EYS: variants seen among roughly 807,000 people sequenced by gnomAD.
The protein encoded by EYS is protein eyes shut homolog.
Under a neutral mutation model 282.1 loss-of-function variants are expected in EYS, and 250 were observed. That is an observed-to-expected ratio of 0.89 (90% confidence interval 0.80 to 0.98). The LOEUF (loss-of-function observed/expected upper bound fraction) is 0.98, where lower values mean the gene tolerates loss of function less well. Among genes scored for constraint, EYS ranks in the 50% least tolerant of loss-of-function variants. EYS has a pLI of 0.00. For synonymous variants in EYS, 1,355 were observed against 1,282.9 expected (o/e 1.06, Z -1.20); for missense variants, 4,016 against 3,709.0 (o/e 1.08, Z -2.15).
intron 22 of EYS, among the ~76,000 whole-genome samples, chr6:64,788,059 T>A (rs140418563): frequency 6.6e-6 from 1 of 152,110 alleles, no homozygotes; most frequent in African/African-American, 2.4e-5. Flanking sequence ...CCCTCTTCAA[T>A]GTTTCTGGGG....
chr6:65,407,378 C>T (rs1345896470), intron 5 of EYS, among the ~76,000 whole-genome samples: 8 of 152,076 alleles, frequency 5.3e-5, no homozygotes, highest in African/African-American at 1.9e-4. Flanking sequence ...GCCTCAACCT[C>T]CCAAGTAGCT....
At chr6:63,748,320 C>T (rs1769260177) in intron 41 of EYS, among the ~76,000 whole-genome samples, 1 of 152,184 alleles carries the variant, frequency 6.6e-6, no homozygotes, top group Non-Finnish European at 1.5e-5. Context: ...ACCAACTTTG[C>T]ATCCTGGGGA....
At chr6:64,421,139 G>A (rs1401487115) in intron 28 of EYS, among the ~76,000 whole-genome samples, 2 of 152,146 alleles carry the variant, frequency 1.3e-5, no homozygotes, top group African/African-American at 4.8e-5. Context: ...TCACAGTTCA[G>A]CATGGCTGGG....
rs531020329 is a variant in EYS at position 65,405,201 on chromosome 6, A to G, written c.1029T>C (p.Asn343=). 6.2e-7 allele frequency: 1 copy of G among 1,613,134 alleles called. No homozygotes were observed. Among genetic ancestry groups the G allele is most frequent in the East Asian group, 2.2e-5 (1 of 44,780 alleles). The change falls in exon 6 of 43, where the codon AAT becomes AAC. Residue 343 remains asparagine, a synonymous_variant. Transcript: ENST00000503581. The part of the protein sequence containing the change: ...VSEFSLVPCQ[N]GTDCIKISND... ...TTGATATTTTGATGCAGTCAGTACCATTCTGACATGGTACTAATGAAAACT... is the reference window on the plus strand; with the variant it reads ...TTGATATTTTGATGCAGTCAGTACCGTTCTGACATGGTACTAATGAAAACT...
chr6:64,346,277 C>T lies in EYS; in HGVS notation c.6079-39195G>A, dbSNP rs556101126. On this transcript the variant is annotated intron_variant, in intron 29 of 42. Coordinates refer to ENST00000503581, the MANE Select transcript of EYS (RefSeq NM_001142800.2). ...CGTATGTTTATTGTGGCACTATTCA[C>T]AATAGCAAAGACTTGGAACCAACCC... Among the ~76,000 whole-genome samples the T allele has an allele frequency of 1.8e-4, 28 of 152,152 alleles. 1 individual carries two copies. The South Asian group carries it at 4.8e-3, about 26-fold the overall frequency.
At chr6:64,564,447 T>C (rs1765499000) in intron 26 of EYS, among the ~76,000 whole-genome samples, 1 of 151,396 alleles carries the variant, frequency 6.6e-6, no homozygotes. Flanking sequence ...CCAGCTATTT[T>C]TTTATTATTA....
At chr6:65,525,251 T>C (rs1274919929) in intron 2 of EYS, among the ~76,000 whole-genome samples, 6 of 152,156 alleles carry the variant, frequency 3.9e-5, no homozygotes. Flanking sequence ...CTGGTATCCA[T>C]AGAAAAAGTC....
intron 13 of EYS, among the ~76,000 whole-genome samples, chr6:65,026,778 G>T (rs371823744): frequency 6.6e-6 from 1 of 152,028 alleles, no homozygotes; most frequent in Non-Finnish European, 1.5e-5. Context: ...TTAGCTGGGC[G>T]TGGTGGCGGG....
chr6:65,179,747 C>A (rs1480243518), intron 12 of EYS, among the ~76,000 whole-genome samples: 1 of 151,948 alleles, frequency 6.6e-6, no homozygotes, highest in African/African-American at 2.4e-5. Flanking sequence ...GGCAGAGACA[C>A]AACATAAAAA....
At chr6:65,688,087 A>T (rs1769097118) in intron 1 of EYS, among the ~76,000 whole-genome samples, 1 of 152,158 alleles carries the variant, frequency 6.6e-6, no homozygotes, top group African/African-American at 2.4e-5. Context: ...AAATACTTTA[A>T]AGTTCATATG....
intron 22 of EYS, among the ~76,000 whole-genome samples, chr6:64,800,765 T>C (rs1464771140): frequency 6.6e-6 from 1 of 151,990 alleles, no homozygotes; most frequent in Non-Finnish European, 1.5e-5. Context: ...AATAATCATA[T>C]TGATAGTTTT....
chr6:64,006,839 G>A lies in EYS; in HGVS notation c.6726-7656C>T, dbSNP rs534957538. ...ATGCAAATATTTCATCCCAAGGATAGAGCCTACTTGGTCATGGTGGATAAG... is the reference window on the plus strand; with the variant it reads ...ATGCAAATATTTCATCCCAAGGATAAAGCCTACTTGGTCATGGTGGATAAG... On this transcript the variant is annotated intron_variant, in intron 33 of 42. Coordinates refer to ENST00000503581, the MANE Select transcript of EYS (RefSeq NM_001142800.2). Among the ~76,000 whole-genome samples, 7 of 152,204 alleles carry A rather than the reference G, an allele frequency of 4.6e-5. No individual in the cohort carries two copies. The East Asian group carries it at 1.2e-3, about 25-fold the overall frequency.
At chr6:64,426,008 A>G (rs983214968) in intron 28 of EYS, among the ~76,000 whole-genome samples, 5 of 152,264 alleles carry the variant, frequency 3.3e-5, no homozygotes, top group Middle Eastern at 6.8e-3. Flanking sequence ...GTTTAGATAG[A>G]TGAGTCTAGA....
chr6:63,982,338 C>G (rs547183676), intron 35 of EYS, among the ~76,000 whole-genome samples: 1 of 151,912 alleles, frequency 6.6e-6, no homozygotes, highest in East Asian at 1.9e-4. Context: ...ATAAGAATCT[C>G]ACATTGCAGT....
intron 35 of EYS, among the ~76,000 whole-genome samples, chr6:63,965,472 C>A (rs1009942208): frequency 2.6e-5 from 4 of 152,154 alleles, no homozygotes; most frequent in African/African-American, 7.2e-5. Flanking sequence ...GTGCAAAGTG[C>A]ATTTCATTTT....
intron 12 of EYS, among the ~76,000 whole-genome samples, chr6:65,206,792 G>A (rs1421899463): frequency 7.9e-5 from 12 of 151,752 alleles, no homozygotes; most frequent in Admixed American, 7.9e-4. Context: ...TGTCTTAATA[G>A]ATTCAGAAAA....
Position 65,583,278 on chromosome 6 carries a change from G to A in EYS, c.-333+56500C>T, listed in dbSNP as rs746105299. On this transcript the variant is annotated intron_variant, in intron 2 of 42. Transcript: ENST00000503581. ...TTGTTTTCTCTTAAACTAATTTGCC[G>A]TAAGAAGAATTTTATAGAGAATATT... 3.2e-4 allele frequency among the ~76,000 whole-genome samples: 48 copies of A among 151,992 alleles called. 1 individual carries two copies. Among genetic ancestry groups the A allele is most frequent in the African/African-American group, 8.0e-4 (33 of 41,498 alleles).
intron 11 of EYS, among the ~76,000 whole-genome samples, chr6:65,313,307 G>C (rs1769210388): frequency 6.6e-6 from 1 of 151,374 alleles, no homozygotes; most frequent in East Asian, 1.9e-4. Flanking sequence ...GTTTATATCT[G>C]GGAAATAATA....
At chr6:64,272,223 T>G (rs1767966075) in intron 30 of EYS, among the ~76,000 whole-genome samples, 1 of 152,334 alleles carries the variant, frequency 6.6e-6, no homozygotes, top group East Asian at 1.9e-4. Context: ...GTCTTGACTC[T>G]ATACAATTTG....
Sources: allele counts gnomAD v4.1 joint callset (sites outside exome capture counted in the v4.1 genomes callset), GRCh38; gene constraint gnomAD v4.1.1; transcripts MANE v1.5; gene names NCBI Gene and HGNC (gene_info 2026-07-23, HGNC 2026-07-21).